Variants in PCDH15 observed in about 807,000 individuals in gnomAD.
PCDH15 encodes protocadherin-15.
Under a neutral mutation model 178.5 loss-of-function variants are expected in PCDH15, and 129 were observed. The ratio of observed to expected loss-of-function variants is 0.72; its 90% confidence interval spans 0.63 to 0.84. The LOEUF (loss-of-function observed/expected upper bound fraction) is 0.84, where lower values mean the gene tolerates loss of function less well. PCDH15 is among the 40% of genes least tolerant of loss of function. The pLI is 0.00. For missense variants in PCDH15, 2,230 were observed against 2,099.9 expected (o/e 1.06, Z -1.21); for synonymous variants, 800 against 732.0 (o/e 1.09, Z -1.50).
intron 21 of PCDH15, among the ~76,000 whole-genome samples, chr10:53,992,287 C>G (rs2091565044): frequency 6.6e-6 from 1 of 152,190 alleles, no homozygotes; most frequent in South Asian, 2.1e-4. Flanking sequence ...AAGGAACAAA[C>G]TCTGGACACA....
At chr10:55,174,405 T>C (rs1038789829) in intron 1 of PCDH15, among the ~76,000 whole-genome samples, 2 of 152,208 alleles carry the variant, frequency 1.3e-5, no homozygotes, top group Non-Finnish European at 2.9e-5. Flanking sequence ...GATTTGCTTA[T>C]AATTCAGCTT....
intron 2 of PCDH15, among the ~76,000 whole-genome samples, chr10:55,596,692 T>C (rs1220045313): frequency 6.6e-6 from 1 of 152,190 alleles, no homozygotes; most frequent in African/African-American, 2.4e-5. Flanking sequence ...TTTTGCCATA[T>C]TTAAAAATTA....
At chr10:55,025,200 C>A (rs1840446775) in intron 2 of PCDH15, among the ~76,000 whole-genome samples, 1 of 151,848 alleles carries the variant, frequency 6.6e-6, no homozygotes, top group Admixed American at 6.6e-5. Flanking sequence ...ATAACAGCAA[C>A]AAAGAAAGAG....
chr10:54,660,973 G>A (rs967804390), intron 2 of PCDH15, among the ~76,000 whole-genome samples: 1 of 151,570 alleles, frequency 6.6e-6, no homozygotes, highest in Admixed American at 6.6e-5. Context: ...AAAATAATAA[G>A]AGCCGTCTAT....
chr10:54,392,320 G>A (rs1426563098), intron 3 of PCDH15, among the ~76,000 whole-genome samples: 4 of 150,952 alleles, frequency 2.6e-5, no homozygotes, highest in Admixed American at 1.3e-4. Context: ...AAAAAAATTT[G>A]GTAGGCATGG....
intron 1 of PCDH15, among the ~76,000 whole-genome samples, chr10:55,214,718 C>T (rs1350357593): frequency 6.6e-6 from 1 of 151,932 alleles, no homozygotes; most frequent in African/African-American, 2.4e-5. Context: ...CTCAAGAGAT[C>T]CTCCCAACTC....
intron 3 of PCDH15, among the ~76,000 whole-genome samples, chr10:54,386,976 A>G (rs189262071): frequency 6.6e-6 from 1 of 152,284 alleles, no homozygotes; most frequent in East Asian, 1.9e-4. Flanking sequence ...ACACTTGAAA[A>G]TTGCTAAGAG....
chr10:54,056,000 T>C (rs1018584392), intron 18 of PCDH15, among the ~76,000 whole-genome samples: 2 of 152,222 alleles, frequency 1.3e-5, no homozygotes, highest in African/African-American at 4.8e-5. Flanking sequence ...GATTCATCTG[T>C]CTGACTGTTA....
chr10:54,154,767 G>C (rs1375804442), intron 13 of PCDH15, among the ~76,000 whole-genome samples: 1 of 152,140 alleles, frequency 6.6e-6, no homozygotes, highest in African/African-American at 2.4e-5. Context: ...ATGCAACTAA[G>C]TCCTGAGACT....
chr10:55,208,966 A>C (rs943646546), intron 1 of PCDH15, among the ~76,000 whole-genome samples: 1 of 152,148 alleles, frequency 6.6e-6, no homozygotes, highest in African/African-American at 2.4e-5. Flanking sequence ...TGTAATAAGC[A>C]CTATGGAGAT....
chr10:55,401,338 AC>A (rs1838057267), intron 2 of PCDH15, among the ~76,000 whole-genome samples: 6 of 133,002 alleles, frequency 4.5e-5, no homozygotes, highest in African/African-American at 1.7e-4. Context: ...CTCAGCACTT[AC>A]TTATGAGATT....
chr10:54,258,616 C>T (rs2057088849), intron 8 of PCDH15, among the ~76,000 whole-genome samples: 1 of 152,148 alleles, frequency 6.6e-6, no homozygotes, highest in African/African-American at 2.4e-5. Flanking sequence ...ACAAGTGAAC[C>T]ACCCAGGTAT....
intron 16 of PCDH15, among the ~76,000 whole-genome samples, chr10:54,086,993 T>C (rs1402208402): frequency 6.6e-6 from 1 of 152,182 alleles, no homozygotes; most frequent in Non-Finnish European, 1.5e-5. Context: ...AGATAATTTA[T>C]TTGGCAAAAC....
At chr10:53,994,594 C>G (rs1320384640) in intron 21 of PCDH15, 4 of 152,088 alleles carry the variant, frequency 2.6e-5, no homozygotes, top group African/African-American at 4.8e-5. Flanking sequence ...CATTCACTAT[C>G]TTTATTGATG....
intron 2 of PCDH15, among the ~76,000 whole-genome samples, chr10:55,031,616 G>A (rs1362680724): frequency 2.0e-5 from 3 of 152,144 alleles, no homozygotes; most frequent in African/African-American, 7.2e-5. Context: ...GAATTCAGAT[G>A]TTGCCAATGT....
At chr10:54,393,751 T>A (rs1453875010) in intron 3 of PCDH15, among the ~76,000 whole-genome samples, 1 of 152,162 alleles carries the variant, frequency 6.6e-6, no homozygotes, top group Non-Finnish European at 1.5e-5. Flanking sequence ...GCCTCATATT[T>A]TCAGTATAAA....
intron 22 of PCDH15, among the ~76,000 whole-genome samples, chr10:53,960,380 A>G (rs1407260155): frequency 6.6e-6 from 1 of 152,108 alleles, no homozygotes; most frequent in Non-Finnish European, 1.5e-5. Context: ...ATAGTTTAAC[A>G]CTCTTTGGTA....
chr10:54,437,510 A>T (rs1484590857), intron 3 of PCDH15, among the ~76,000 whole-genome samples: 1 of 145,376 alleles, frequency 6.9e-6, no homozygotes, highest in Non-Finnish European at 1.5e-5. Flanking sequence ...CCTCTTTTCA[A>T]ATTTTAACCA....
intron 1 of PCDH15, among the ~76,000 whole-genome samples, chr10:55,193,037 A>G (rs1448301657): frequency 1.3e-5 from 2 of 150,080 alleles, no homozygotes; most frequent in East Asian, 3.9e-4. Flanking sequence ...GATGAAGTAA[A>G]TTTTGCCTGG....
Sources: allele counts gnomAD v4.1 joint callset (sites outside exome capture counted in the v4.1 genomes callset), GRCh38; gene constraint gnomAD v4.1.1; transcripts MANE v1.5; gene names NCBI Gene and HGNC (gene_info 2026-07-23, HGNC 2026-07-21).